The following MIAT variants were observed in gnomAD, a reference collection of about 807,000 sequenced individuals.
MIAT encodes the protein MI related novel mRNA.
chr22:26,647,371 G>C (rs943974440), intron 2 of MIAT: 2 of 335,028 alleles, frequency 6.0e-6, no homozygotes, highest in African/African-American at 4.7e-5. Flanking sequence ...GGACGTGGGG[G>C]GTGGAGAGAG....
chr22:26,675,327 A>G (rs1931221443), exon 5 of MIAT: 1 of 398,744 alleles, frequency 2.5e-6, no homozygotes, highest in Non-Finnish European at 4.4e-6. Flanking sequence ...GATAGGAGAC[A>G]TGGACATGGT....
At chr22:26,658,559 T>C (rs1930543497) in intron 2 of MIAT, among the ~76,000 whole-genome samples, 1 of 152,140 alleles carries the variant, frequency 6.6e-6, no homozygotes, top group Admixed American at 6.5e-5. Context: ...GCTGGGGATT[T>C]GGGAAGAAAG....
At chr22:26,667,333 A>AGTGTGTGTGTGT (rs61442362) in intron 5 of MIAT, 45 of 390,830 alleles carry the variant, frequency 1.2e-4, no homozygotes, top group African/African-American at 4.0e-4. Context: ...TCCTGGGAGC[A>AGTGTGTGTGTGT]GTGTGTGTGT....
chr22:26,652,497 A>G (rs980364504), intron 2 of MIAT, among the ~76,000 whole-genome samples: 7 of 152,048 alleles, frequency 4.6e-5, no homozygotes, highest in Admixed American at 2.0e-4. Context: ...AGCTGGGATT[A>G]CAGGCGCCGC....
At chr22:26,673,110 G>C (rs1231453142), downstream of MIAT, 1 of 398,542 alleles carries the variant, frequency 2.5e-6, no homozygotes, top group Non-Finnish European at 4.4e-6. Flanking sequence ...CTTTACCCCG[G>C]GCTCGGAGTT....
intron 2 of MIAT, chr22:26,650,426 T>C (rs990345248): frequency 2.6e-5 from 4 of 152,252 alleles, no homozygotes; most frequent in African/African-American, 7.2e-5. Context: ...AATGTACCTA[T>C]TCCAGATTTC....
intron 2 of MIAT, among the ~76,000 whole-genome samples, chr22:26,652,332 A>C (rs1555947372): frequency 2.7e-5 from 4 of 149,506 alleles, no homozygotes; most frequent in Non-Finnish European, 6.0e-5. Flanking sequence ...TGAATTTCCT[A>C]TCTCTCTCTC....
intron 2 of MIAT, among the ~76,000 whole-genome samples, chr22:26,648,889 AAG>A (rs1174670135): frequency 2.0e-5 from 3 of 149,502 alleles, no homozygotes; most frequent in Non-Finnish European, 3.0e-5. Flanking sequence ...TTGAGAGAGA[AAG>A]AGAGAGAGAG....
chr22:26,647,356 G>A (rs1246873645), intron 2 of MIAT: 11 of 285,678 alleles, frequency 3.9e-5, no homozygotes, highest in South Asian at 1.7e-4. Flanking sequence ...TTGTGGGGGC[G>A]GCGGGGACGT....
chr22:26,650,513 A>C (rs1436359031), intron 2 of MIAT: 1 of 152,242 alleles, frequency 6.6e-6, no homozygotes, highest in East Asian at 1.9e-4. Context: ...AACAACTTGC[A>C]TTTGAATCCG....
chr22:26,671,968 T>C (rs1349999932), downstream of MIAT: 1 of 398,628 alleles, frequency 2.5e-6, no homozygotes, highest in Non-Finnish European at 4.4e-6. Context: ...TTTGAATCCA[T>C]GTCACTTCCC....
intron 2 of MIAT, among the ~76,000 whole-genome samples, chr22:26,654,722 A>AT (rs749854201): frequency 6.5e-4 from 98 of 151,706 alleles, no homozygotes; most frequent in Non-Finnish European, 1.2e-3. Flanking sequence ...TTATTTTTAA[A>AT]TTTTTTTTGA....
chr22:26,650,583 A>G (rs1359783587), intron 2 of MIAT: 1 of 152,196 alleles, frequency 6.6e-6, no homozygotes, highest in Non-Finnish European at 1.5e-5. Context: ...TCCTTTATCT[A>G]GAGAGACTGC....
At chr22:26,676,184 T>C (rs945944749) in exon 5 of MIAT, 3 of 301,704 alleles carry the variant, frequency 9.9e-6, no homozygotes, top group African/African-American at 6.8e-5. Flanking sequence ...CATGTTGAGC[T>C]GGGGGGATGC....
chr22:26,668,798 G>A (rs1408206740), exon 6 of MIAT: 1 of 399,236 alleles, frequency 2.5e-6, no homozygotes, highest in Non-Finnish European at 4.4e-6. Context: ...GTTACAAAGA[G>A]GAGACAGTCA....
chr22:26,647,146 T>A (rs1405785435), intron 1 of MIAT: 1 of 398,432 alleles, frequency 2.5e-6, no homozygotes, highest in South Asian at 1.3e-4. Context: ...CCACCTTTCT[T>A]CTCTGGGTCT....
At chr22:26,673,070 G>A (rs1931116417), downstream of MIAT, 7 of 398,682 alleles carry the variant, frequency 1.8e-5, no homozygotes, top group East Asian at 2.5e-4. Flanking sequence ...TAGTTGTCGG[G>A]TTGAAAAGGG....
At chr22:26,658,636 A>C (rs1413583710) in intron 2 of MIAT, among the ~76,000 whole-genome samples, 1 of 152,276 alleles carries the variant, frequency 6.6e-6, no homozygotes, top group East Asian at 1.9e-4. Flanking sequence ...GGGATTGTGC[A>C]GGAGGAGGCC....
chr22:26,652,664 C>G (rs1214060783), intron 2 of MIAT, among the ~76,000 whole-genome samples: 2 of 152,074 alleles, frequency 1.3e-5, no homozygotes, highest in East Asian at 3.9e-4. Flanking sequence ...CCCTCTCTCT[C>G]TTTTTTTAAA....
Sources: allele counts gnomAD v4.1 joint callset (sites outside exome capture counted in the v4.1 genomes callset), GRCh38; gene constraint gnomAD v4.1.1; transcripts MANE v1.5; gene names NCBI Gene and HGNC (gene_info 2026-07-23, HGNC 2026-07-21).